CNTNAP2: variants seen among roughly 807,000 people sequenced by gnomAD.
The protein encoded by CNTNAP2 is contactin associated protein 2, also known as contactin-associated protein-like 2.
A neutral mutation model predicts 155.2 loss-of-function variants in CNTNAP2; 98 were observed. The ratio of observed to expected loss-of-function variants is 0.63; its 90% CI spans 0.54 to 0.75. CNTNAP2 has a LOEUF of 0.75. Ranked by LOEUF, CNTNAP2 falls within the 30% of genes least tolerant of loss-of-function variation. The probability of loss-of-function intolerance (pLI) is 0.00; values close to 1 mark genes in which losing one functional copy is unlikely to be tolerated. For missense variants in CNTNAP2, 1,727 were observed against 1,688.1 expected, an observed-to-expected ratio of 1.02 and a Z score of -0.40; for synonymous variants, 651 against 631.2, an observed-to-expected ratio of 1.03 and a Z score of -0.47.
intron 1 of CNTNAP2, among the ~76,000 whole-genome samples, chr7:146,708,210 CA>C (rs1381289117): frequency 1.3e-5 from 2 of 152,120 alleles, no homozygotes; most frequent in Non-Finnish European, 2.9e-5. Flanking sequence ...CTTCTGCTCA[CA>C]AACCTGTAAA....
chr7:146,443,856 A>G (rs992224860), intron 1 of CNTNAP2, among the ~76,000 whole-genome samples: 1 of 152,152 alleles, frequency 6.6e-6, no homozygotes, highest in Non-Finnish European at 1.5e-5. Flanking sequence ...ATAAAGCCCT[A>G]TTCTAGCTGG....
rs1796429389 is a variant in CNTNAP2, at chr7:148,254,669, A to G, written c.3382-12364A>G. On this transcript the variant is annotated intron_variant, in intron 20 of 23. Transcript: ENST00000361727. The stretch of plus-strand genomic sequence containing the variant: ...CGGGCACCTGTAGTCCCAGCTACTC[A>G]GGAGGCTGAGGCAGGAGAATCGCTT... Among the ~76,000 whole-genome samples, 8 of 151,168 alleles carry G rather than the reference A, an allele frequency of 5.3e-5. No individual in the cohort carries two copies. In the Admixed American group the frequency reaches 5.3e-4, roughly 10 times the overall value.
intron 3 of CNTNAP2, among the ~76,000 whole-genome samples, chr7:147,015,461 A>G (rs1798708043): frequency 6.6e-6 from 1 of 152,096 alleles, no homozygotes; most frequent in South Asian, 2.1e-4. Flanking sequence ...TTTAATTACC[A>G]TTTTGAAAAC....
At chr7:146,955,456 C>A (rs1584746972) in intron 3 of CNTNAP2, among the ~76,000 whole-genome samples, 1 of 151,978 alleles carries the variant, frequency 6.6e-6, no homozygotes, top group South Asian at 2.1e-4. Context: ...ACACTAGAAA[C>A]AAAAATCTTT....
chr7:148,010,408 G>A (rs1802056342), intron 15 of CNTNAP2, among the ~76,000 whole-genome samples: 1 of 151,554 alleles, frequency 6.6e-6, no homozygotes, highest in Admixed American at 6.6e-5. Context: ...TATGTTTTGT[G>A]TCTTATGTCA....
intron 3 of CNTNAP2, among the ~76,000 whole-genome samples, chr7:147,006,514 G>A (rs1798527438): frequency 6.6e-6 from 1 of 151,940 alleles, no homozygotes; most frequent in Admixed American, 6.6e-5. Context: ...GGTGTATTTT[G>A]GGGTTGCATA....
intron 8 of CNTNAP2, among the ~76,000 whole-genome samples, chr7:147,191,685 C>T (rs1276175765): frequency 6.6e-6 from 1 of 152,098 alleles, no homozygotes. Context: ...ACGGTTAAGT[C>T]TAGGTTTTCT....
At chr7:147,734,822 C>T (rs554444975) in intron 13 of CNTNAP2, among the ~76,000 whole-genome samples, 176 of 152,310 alleles carry the variant, frequency 1.2e-3, no homozygotes, top group African/African-American at 3.9e-3. Context: ...TTATAGTATT[C>T]TCTGATGGTA....
At chr7:146,974,244 A>C (rs1584759729) in intron 3 of CNTNAP2, among the ~76,000 whole-genome samples, 2 of 151,770 alleles carry the variant, frequency 1.3e-5, no homozygotes. Context: ...TCAGGAGTTC[A>C]AGACCAGCCT....
At chr7:148,241,730 G>A (rs1383305958) in intron 20 of CNTNAP2, among the ~76,000 whole-genome samples, 3 of 152,158 alleles carry the variant, frequency 2.0e-5, no homozygotes, top group Non-Finnish European at 2.9e-5. Flanking sequence ...AAGAAAATAA[G>A]TTCTAAGCCA....
intron 20 of CNTNAP2, among the ~76,000 whole-genome samples, chr7:148,232,526 A>G (rs1215667371): frequency 6.6e-6 from 1 of 152,224 alleles, no homozygotes; most frequent in African/African-American, 2.4e-5. Flanking sequence ...CTGCATTTTT[A>G]TAATCAAACA....
rs571183123 is a variant in CNTNAP2, at chr7:147,707,624, A to G, written c.2098+68318A>G. The stretch of plus-strand genomic sequence containing the variant: ...TCAGGCAGGCCATTCTTGGGCCTCT[A>G]GGTGGCTTGCCCAGGTGCTGGTAGT... On this transcript the variant is annotated intron_variant, in intron 13 of 23. Coordinates refer to ENST00000361727, the MANE Select transcript of CNTNAP2 (RefSeq NM_014141.6). 3.9e-3 allele frequency among the ~76,000 whole-genome samples: 588 copies of G among 152,260 alleles called. 3 individuals carry two copies. The highest frequency in any genetic ancestry group is 0.014 in the African/African-American group (566 of 41,552).
At chr7:147,604,710 A>G (rs146073931) in intron 12 of CNTNAP2, among the ~76,000 whole-genome samples, 2 of 152,126 alleles carry the variant, frequency 1.3e-5, no homozygotes, top group African/African-American at 4.8e-5. Flanking sequence ...GAACCAACCA[A>G]TCCAGCAACT....
chr7:147,437,574 C>T (rs1454689818), intron 10 of CNTNAP2, among the ~76,000 whole-genome samples: 1 of 152,056 alleles, frequency 6.6e-6, no homozygotes, highest in Admixed American at 6.6e-5. Flanking sequence ...CACTTGAATG[C>T]CAGTACCAGG....
At chr7:146,532,796 C>A (rs1422003004) in intron 1 of CNTNAP2, among the ~76,000 whole-genome samples, 1 of 151,822 alleles carries the variant, frequency 6.6e-6, no homozygotes, top group Admixed American at 6.6e-5. Context: ...GAATTAAGAG[C>A]AGAATTGGCC....
intron 1 of CNTNAP2, among the ~76,000 whole-genome samples, chr7:146,763,828 T>G (rs1040498486): frequency 9.2e-5 from 14 of 152,142 alleles, no homozygotes; most frequent in African/African-American, 3.4e-4. Flanking sequence ...CCATAAACAT[T>G]TGTCAATTGA....
chr7:146,486,830 T>A (rs1230227289), intron 1 of CNTNAP2, among the ~76,000 whole-genome samples: 3 of 152,192 alleles, frequency 2.0e-5, no homozygotes, highest in Non-Finnish European at 4.4e-5. Flanking sequence ...TCTCATTTTT[T>A]CACATCTGTT....
intron 1 of CNTNAP2, among the ~76,000 whole-genome samples, chr7:146,579,147 C>T (rs369144152): frequency 6.6e-6 from 1 of 152,064 alleles, no homozygotes; most frequent in Admixed American, 6.6e-5. Flanking sequence ...AGAGAAATTT[C>T]GGGTCTTGAT....
At chr7:147,529,258 A>G (rs1742807296) in intron 11 of CNTNAP2, among the ~76,000 whole-genome samples, 1 of 152,226 alleles carries the variant, frequency 6.6e-6, no homozygotes, top group African/African-American at 2.4e-5. Context: ...ATTAGCAAAT[A>G]TATTTAATAT....
Sources: allele counts gnomAD v4.1 joint callset (sites outside exome capture counted in the v4.1 genomes callset), GRCh38; gene constraint gnomAD v4.1.1; transcripts MANE v1.5; gene names NCBI Gene and HGNC (gene_info 2026-07-23, HGNC 2026-07-21).